SCUBE2: variants seen among roughly 807,000 people sequenced by gnomAD.
SCUBE2 encodes signal peptide, CUB and EGF-like domain-containing protein 2.
In SCUBE2, 114 loss-of-function variants were observed where a neutral mutation model predicts 125.9. The observed-to-expected ratio is 0.91, with a 90% CI of 0.78 to 1.06. The LOEUF (loss-of-function observed/expected upper bound fraction) is 1.06, where lower values mean the gene tolerates loss of function less well. Among genes scored for constraint, SCUBE2 ranks in the 50% least tolerant of loss-of-function variants. SCUBE2 has a pLI of 0.00. For synonymous variants in SCUBE2, 459 were observed against 492.9 expected (o/e 0.93, Z 0.91); for missense variants, 1,255 against 1,301.8 (o/e 0.96, Z 0.55).
intron 13 of SCUBE2, 137 bp from the exon 14 acceptor site, chr11:9,050,847 AAG>A (rs1858288394): frequency 2.8e-6 from 2 of 708,410 alleles, no homozygotes; most frequent in African/African-American, 3.5e-5. Context: ...CCCTGAGGCT[AAG>A]AGTGGCTTGG....
chr11:9,087,596 C>T (rs191731694), intron 2 of SCUBE2, among the ~76,000 whole-genome samples: 2 of 152,286 alleles, frequency 1.3e-5, no homozygotes. Flanking sequence ...TGCTATGCAC[C>T]TGACCAGGAC....
chr11:9,060,640 T>C, intron 7 of SCUBE2, 116 bp from the exon 8 acceptor site: 1 of 779,136 alleles, frequency 1.3e-6, no homozygotes, highest in South Asian at 1.6e-5. Flanking sequence ...CCCAAGTCTC[T>C]GCTACCTGCA....
At chr11:9,052,601 A>C in intron 13 of SCUBE2, 145 bp downstream of exon 13, 1 of 591,514 alleles carries the variant, frequency 1.7e-6, no homozygotes, top group South Asian at 2.0e-5. Flanking sequence ...CCAGGACTGC[A>C]GGCAACAACA....
intron 2 of SCUBE2, among the ~76,000 whole-genome samples, chr11:9,082,752 G>A (rs181200712): frequency 1.6e-4 from 25 of 152,334 alleles, no homozygotes; most frequent in African/African-American, 4.8e-4. Context: ...TTCCACTTAC[G>A]TGAAATGTCC....
At chr11:9,071,226 C>A (rs951154468) in intron 4 of SCUBE2, among the ~76,000 whole-genome samples, 1 of 152,220 alleles carries the variant, frequency 6.6e-6, no homozygotes, top group Non-Finnish European at 1.5e-5. Context: ...CCCAAACAGG[C>A]CAGCTGCTGC....
At chr11:9,035,891 T>C (rs1251683694) in intron 16 of SCUBE2, among the ~76,000 whole-genome samples, 1 of 152,134 alleles carries the variant, frequency 6.6e-6, no homozygotes, top group East Asian at 1.9e-4. Flanking sequence ...CAATTTTATA[T>C]ATATAGATTT....
At chr11:9,088,866 G>A (rs1332375439) in intron 2 of SCUBE2, among the ~76,000 whole-genome samples, 2 of 152,180 alleles carry the variant, frequency 1.3e-5, no homozygotes, top group African/African-American at 4.8e-5. Context: ...CAGAGCTAGG[G>A]GTGGAGACCT....
intron 7 of SCUBE2, among the ~76,000 whole-genome samples, chr11:9,061,450 T>C (rs954529723): frequency 2.6e-5 from 4 of 151,872 alleles, no homozygotes; most frequent in African/African-American, 9.7e-5. Flanking sequence ...TCCCAGCTAC[T>C]CGGGAGGCTG....
chr11:9,048,590 C>T (rs1206956490), intron 14 of SCUBE2, among the ~76,000 whole-genome samples: 1 of 152,164 alleles, frequency 6.6e-6, no homozygotes, highest in Admixed American at 6.5e-5. Context: ...CTGGAACACC[C>T]GTCAGCAGTG....
chr11:9,089,951 C>T, intron 1 of SCUBE2, 122 bp from the exon 2 acceptor site: 1 of 1,292,512 alleles, frequency 7.7e-7, no homozygotes, highest in Non-Finnish European at 1.0e-6. Context: ...GCTACAGCTG[C>T]TTGGGATCCC....
chr11:9,027,392 A>G lies in SCUBE2; in HGVS notation c.2673T>C (p.Cys891=). 6.2e-7 allele frequency: 1 copy of G among 1,613,992 alleles called. No individual in the cohort carries two copies. Among genetic ancestry groups the G allele is most frequent in the East Asian group, 2.2e-5 (1 of 44,866 alleles). The change falls in exon 20 of 23, where the codon TGT becomes TGC. Residue 891 remains cysteine (C), a synonymous_variant. Transcript: ENST00000649792. ...TTTTCCGCATCACCAGATAGTCCCC[A>G]CAGTCGTCCTCTATGGGCAGGAAGA... ...PEIFLPIEDD[C]GDYLVMRKTS...
chr11:9,055,374 G>C (rs139001499), intron 10 of SCUBE2, among the ~76,000 whole-genome samples: 3 of 152,346 alleles, frequency 2.0e-5, no homozygotes, highest in Non-Finnish European at 4.4e-5. Flanking sequence ...CCAAGGCTTT[G>C]CAGCCAGTTC....
At chr11:9,070,291 C>T (rs1413386214) in intron 4 of SCUBE2, among the ~76,000 whole-genome samples, 1 of 152,158 alleles carries the variant, frequency 6.6e-6, no homozygotes, top group Admixed American at 6.5e-5. Flanking sequence ...ACAGCTGCTT[C>T]TGTTCTTGCA....
chr11:9,090,848 C>G (rs912795383), intron 1 of SCUBE2, among the ~76,000 whole-genome samples: 21 of 152,340 alleles, frequency 1.4e-4, no homozygotes, highest in African/African-American at 4.8e-4. Context: ...GTCCAGAGTC[C>G]TCTCTGGAAA....
At chr11:9,068,043 G>T (rs542435305) in intron 5 of SCUBE2, among the ~76,000 whole-genome samples, 1 of 152,166 alleles carries the variant, frequency 6.6e-6, no homozygotes, top group Non-Finnish European at 1.5e-5. Flanking sequence ...GGCCCTAAGA[G>T]CATGTCAGAA....
intron 16 of SCUBE2, among the ~76,000 whole-genome samples, chr11:9,040,735 C>A (rs566691544): frequency 2.0e-5 from 3 of 149,914 alleles, no homozygotes; most frequent in Admixed American, 6.6e-5. Context: ...AGGGTATACA[C>A]CGTGGGTACG....
intron 16 of SCUBE2, among the ~76,000 whole-genome samples, chr11:9,040,295 A>T (rs74389941): frequency 0.09 from 13,728 of 152,274 alleles, 779 homozygotes; most frequent in East Asian, 0.21. Context: ...AACAATTATC[A>T]CAACATATTA....
rs138068331 is a variant in SCUBE2 at position 9,076,288 on chromosome 11, G to T, written c.383-1673C>A. On this transcript the variant is annotated intron_variant, in intron 3 of 22. Coordinates refer to ENST00000649792, the MANE Select transcript of SCUBE2 (RefSeq NM_001367977.2). ...GGGAAGGAGCCAGCAGAGAGGTAGGGAGGGAGGAAGCCTTCTGCCACACAC... is the reference window on the plus strand; with the variant it reads ...GGGAAGGAGCCAGCAGAGAGGTAGGTAGGGAGGAAGCCTTCTGCCACACAC... Among the ~76,000 whole-genome samples, 112 of 152,048 alleles carry T rather than the reference G, an allele frequency of 7.4e-4. 1 individual carries two copies. The highest frequency in any genetic ancestry group is 2.0e-3 in the African/African-American group (82 of 41,466).
intron 17 of SCUBE2, among the ~76,000 whole-genome samples, chr11:9,032,198 A>G (rs1187875886): frequency 4.6e-5 from 7 of 151,798 alleles, no homozygotes; most frequent in African/African-American, 1.7e-4. Flanking sequence ...AGCTTACTAC[A>G]GCTTGACCTC....
Sources: allele counts gnomAD v4.1 joint callset (sites outside exome capture counted in the v4.1 genomes callset), GRCh38; gene constraint gnomAD v4.1.1; transcripts MANE v1.5; gene names NCBI Gene and HGNC (gene_info 2026-07-23, HGNC 2026-07-21).